Variants in TRMT11 observed in about 807,000 individuals in gnomAD.
The protein encoded by TRMT11 is tRNA methyltransferase 11.
TRMT11 carries 53 observed loss-of-function variants against 62.8 expected under a neutral mutation model. That is an observed-to-expected ratio of 0.84 (90% CI 0.68 to 1.06). The LOEUF is 1.06. Ranked by LOEUF, TRMT11 falls within the 50% of genes least tolerant of loss-of-function variation. The pLI, the probability that TRMT11 is intolerant of heterozygous loss-of-function variation, is 0.00. For synonymous variants in TRMT11, 188 were observed against 190.3 expected (o/e 0.99, Z 0.10); for missense variants, 556 against 553.4 (o/e 1.00, Z -0.05).
chr6:126,122,692 A>T (rs762933708), intron 21 of TRMT11, among the ~76,000 whole-genome samples: 6 of 152,150 alleles, frequency 3.9e-5, no homozygotes, highest in African/African-American at 7.2e-5. Flanking sequence ...GCATATTTCT[A>T]CATGACTGCT....
chr6:126,166,332 C>A (rs1313029901), intron 21 of TRMT11, among the ~76,000 whole-genome samples: 2 of 152,206 alleles, frequency 1.3e-5, no homozygotes, highest in East Asian at 1.9e-4. Context: ...CATGGGCATC[C>A]TTTTTGCTGA....
chr6:125,996,657 T>C (rs2128753879), intron 3 of TRMT11, among the ~76,000 whole-genome samples: 1 of 152,368 alleles, frequency 6.6e-6, no homozygotes, highest in East Asian at 1.9e-4. Context: ...TTAAACTGTA[T>C]TTTTAACTAG....
intron 12 of TRMT11, among the ~76,000 whole-genome samples, chr6:126,029,694 C>G (rs2128035991): frequency 6.6e-6 from 1 of 152,218 alleles, no homozygotes; most frequent in Non-Finnish European, 1.5e-5. Context: ...AGGTGTTAAA[C>G]AAGATTTTTA....
rs546170503 is a variant in TRMT11, at chr6:126,008,756, CAGT to C, written c.760+287_760+289del. ...TTTTTACTGAATAAAGTAAGTATAACAGTAGGCTGTTAGTAGTTAAGTTCTGGG... is the reference window on the plus strand; with the variant it reads ...TTTTTACTGAATAAAGTAAGTATAACAGGCTGTTAGTAGTTAAGTTCTGGG... On this transcript the variant is annotated intron_variant, in intron 8 of 12. Transcript: ENST00000334379. 100 of 587,924 alleles carry C rather than the reference CAGT, an allele frequency of 1.7e-4. 1 individual carries two copies. The highest frequency in any genetic ancestry group is 1.5e-3 in the South Asian group (97 of 63,790). 36.4% of individuals were successfully genotyped at this position (587,924 alleles called of 1,614,324 possible).
chr6:126,014,740 C>T (rs900192269), intron 11 of TRMT11, among the ~76,000 whole-genome samples: 2 of 152,140 alleles, frequency 1.3e-5, no homozygotes, highest in African/African-American at 4.8e-5. Context: ...TACATTTGTA[C>T]CCAGATCCCT....
intron 17 of TRMT11, among the ~76,000 whole-genome samples, chr6:126,095,521 CT>C (rs1380963485): frequency 6.6e-6 from 1 of 152,202 alleles, no homozygotes; most frequent in Non-Finnish European, 1.5e-5. Flanking sequence ...GTATAACCTT[CT>C]GATACCAATT....
intron 6 of TRMT11, 112 bp from the exon 7 acceptor site, chr6:125,999,345 G>A (rs1298904055): frequency 5.6e-6 from 4 of 712,096 alleles, no homozygotes; most frequent in Non-Finnish European, 8.8e-6. Context: ...GTTTAGAGCA[G>A]TAATAAGTGG....
intron 21 of TRMT11, among the ~76,000 whole-genome samples, chr6:126,118,718 A>G (rs1301731558): frequency 6.6e-6 from 1 of 152,094 alleles, no homozygotes; most frequent in Non-Finnish European, 1.5e-5. Flanking sequence ...TTTATCAAGG[A>G]GAGTTTAAAA....
At chr6:126,125,864 A>G (rs1777711862) in intron 21 of TRMT11, among the ~76,000 whole-genome samples, 1 of 151,792 alleles carries the variant, frequency 6.6e-6, no homozygotes, top group South Asian at 2.1e-4. Flanking sequence ...AAAAAAAATT[A>G]GACTATATTG....
At chr6:126,008,230 G>T (rs916308564) in intron 7 of TRMT11, among the ~76,000 whole-genome samples, 162 bp from the exon 8 acceptor site, 11 of 151,918 alleles carry the variant, frequency 7.2e-5, no homozygotes, top group African/African-American at 2.2e-4. Flanking sequence ...ATAGCTTAGG[G>T]GTTTGTTTTT....
At chr6:126,202,647 A>G (rs1357460061), downstream of TRMT11, among the ~76,000 whole-genome samples, 2 of 152,210 alleles carry the variant, frequency 1.3e-5, no homozygotes, top group Non-Finnish European at 2.9e-5. Context: ...ATTCAATGTT[A>G]ACAGCTAGAC....
At chr6:126,182,747 T>C (rs567552034) in intron 1 of TRMT11, among the ~76,000 whole-genome samples, 7 of 152,266 alleles carry the variant, frequency 4.6e-5, no homozygotes, top group Admixed American at 3.9e-4. Context: ...GGGATTATTT[T>C]TGGAACTTAG....
chr6:126,171,029 A>G (rs1295928551), intron 21 of TRMT11, among the ~76,000 whole-genome samples: 1 of 152,110 alleles, frequency 6.6e-6, no homozygotes. Flanking sequence ...TAAATATGCT[A>G]TTTAACTTTG....
At chr6:126,002,355 A>G (rs575558548) in intron 7 of TRMT11, among the ~76,000 whole-genome samples, 15 of 152,250 alleles carry the variant, frequency 9.9e-5, no homozygotes, top group Non-Finnish European at 2.1e-4. Context: ...TGACTACCCT[A>G]TTCTATGTTT....
intron 1 of TRMT11, among the ~76,000 whole-genome samples, chr6:126,188,245 A>G (rs1041198007): frequency 2.6e-5 from 4 of 152,204 alleles, no homozygotes; most frequent in Admixed American, 2.0e-4. Flanking sequence ...ATATTTGACA[A>G]GATTCACATC....
At chr6:126,075,577 A>G (rs1776999012) in intron 17 of TRMT11, among the ~76,000 whole-genome samples, 1 of 151,818 alleles carries the variant, frequency 6.6e-6, no homozygotes, top group Admixed American at 6.6e-5. Context: ...AGGCCTCCCC[A>G]GTCATGCTTC....
chr6:126,128,733 C>T (rs976888620), intron 21 of TRMT11, among the ~76,000 whole-genome samples: 4 of 152,034 alleles, frequency 2.6e-5, no homozygotes, highest in African/African-American at 9.7e-5. Flanking sequence ...TTATGCACTA[C>T]ATATTTGGTC....
chr6:126,233,188 A>G, the TRMT11 span, among the ~76,000 whole-genome samples: 1 of 152,156 alleles, frequency 6.6e-6, no homozygotes, highest in Non-Finnish European at 1.5e-5. Flanking sequence ...CAGTTTCCTC[A>G]CTATAAAAGG....
the TRMT11 span, among the ~76,000 whole-genome samples, chr6:126,260,746 T>A: frequency 4.6e-5 from 7 of 152,230 alleles, no homozygotes; most frequent in African/African-American, 1.7e-4. Flanking sequence ...TTTTACTACA[T>A]CATTCACTCT....
Sources: gnomAD v4.1 joint callset for allele counts (sites outside exome capture counted in the v4.1 genomes callset) on GRCh38, gnomAD v4.1.1 for gene constraint, MANE v1.5 for transcripts, NCBI Gene and HGNC (gene_info 2026-07-23, HGNC 2026-07-21) for gene names.